AMD1: variants seen among roughly 807,000 people sequenced by gnomAD.
AMD1 encodes S-adenosylmethionine decarboxylase proenzyme.
A neutral mutation model predicts 40.2 loss-of-function variants in AMD1; 11 were observed. That is an observed-to-expected ratio of 0.27 (90% CI 0.17 to 0.45). AMD1 has a LOEUF of 0.45. Ranked by LOEUF, AMD1 falls within the 20% of genes least tolerant of loss-of-function variation. AMD1 has a pLI of 1.00. For synonymous variants in AMD1, 121 were observed against 130.8 expected, an observed-to-expected ratio of 0.93 and a Z score of 0.51; for missense variants, 257 against 410.2, an observed-to-expected ratio of 0.63 and a Z score of 3.23.
At chr6:110,880,752 A>G (rs1583213459) in intron 1 of AMD1, among the ~76,000 whole-genome samples, 1 of 152,222 alleles carries the variant, frequency 6.6e-6, no homozygotes, top group East Asian at 1.9e-4. Flanking sequence ...GGTGCACTGT[A>G]GCCTCCGCCT....
At chr6:110,851,794 C>CA in the AMD1 span, among the ~76,000 whole-genome samples, 1 of 152,074 alleles carries the variant, frequency 6.6e-6, no homozygotes, top group African/African-American at 2.4e-5. Flanking sequence ...TAGTGTTTAA[C>CA]ATCACCCCAG....
chr6:110,852,652 G>T, the AMD1 span, among the ~76,000 whole-genome samples: 1 of 152,098 alleles, frequency 6.6e-6, no homozygotes, highest in African/African-American at 2.4e-5. Context: ...CCTTGTCTTA[G>T]AAATAAAATA....
chr6:110,864,982 T>A, the AMD1 span, among the ~76,000 whole-genome samples: 1 of 152,230 alleles, frequency 6.6e-6, no homozygotes, highest in Non-Finnish European at 1.5e-5. Context: ...TTGCTCTATG[T>A]CTACAAAACA....
chr6:110,844,265 CT>C, the AMD1 span, among the ~76,000 whole-genome samples: 361 of 143,430 alleles, frequency 2.5e-3, no homozygotes, highest in Middle Eastern at 3.7e-3. Context: ...GAATTATAAT[CT>C]TTTTTTTTTT....
the AMD1 span, among the ~76,000 whole-genome samples, chr6:110,850,530 C>T: frequency 6.6e-6 from 1 of 152,288 alleles, no homozygotes; most frequent in South Asian, 2.1e-4. Context: ...TAAACCAGTT[C>T]ACTCCCAGAG....
chr6:110,873,820 A>G (rs1784964944), upstream of AMD1, among the ~76,000 whole-genome samples: 1 of 152,246 alleles, frequency 6.6e-6, no homozygotes, highest in Non-Finnish European at 1.5e-5. Context: ...ATTTCCAGGT[A>G]AATCCTTCTT....
At chr6:110,892,108 C>T (rs1786055172) in intron 4 of AMD1, 53 bp from the exon 5 acceptor site, 1 of 1,583,460 alleles carries the variant, frequency 6.3e-7, no homozygotes, top group Non-Finnish European at 8.7e-7. Context: ...AGTAACAAAC[C>T]ATCCTATTAA....
chr6:110,848,970 T>G, the AMD1 span, among the ~76,000 whole-genome samples: 2 of 152,210 alleles, frequency 1.3e-5, no homozygotes, highest in Non-Finnish European at 2.9e-5. Context: ...GGCACCACTG[T>G]ACTCCAGCCT....
At chr6:110,867,155 C>CTT in the AMD1 span, among the ~76,000 whole-genome samples, 1,623 of 143,888 alleles carry the variant, frequency 0.011, 31 homozygotes, top group African/African-American at 0.04. Flanking sequence ...TTCTTTTTTT[C>CTT]TTTTTTTTTT....
chr6:110,893,966 A>C lies in AMD1; in HGVS notation c.*350A>C. 4.6e-6 allele frequency: 1 copy of C among 215,216 alleles called. No individual in the cohort carries two copies. The highest frequency in any genetic ancestry group is 7.6e-5 in the South Asian group (1 of 13,132). The allele number at this position is 215,216 out of a possible 1,614,324, so 13.3% of individuals were successfully genotyped here. A position where few individuals can be genotyped will look rare whatever the true frequency, so the allele number is the denominator to read the frequency against. ...GTAATATTTCTCCAAGTATCATCCA[A>C]AATTCCCCACAGACAAGGCTTTCGT... On this transcript the variant is annotated 3_prime_UTR_variant, in exon 9 of 9. Transcript: ENST00000368885.
At chr6:110,846,122 C>T in the AMD1 span, among the ~76,000 whole-genome samples, 1 of 151,944 alleles carries the variant, frequency 6.6e-6, no homozygotes, top group African/African-American at 2.4e-5. Context: ...GCATGTAATC[C>T]CAGCTACTTG....
At chr6:110,883,789 G>A (rs1053952533) in intron 1 of AMD1, among the ~76,000 whole-genome samples, 3 of 151,964 alleles carry the variant, frequency 2.0e-5, no homozygotes, top group African/African-American at 7.3e-5. Context: ...AGTAGAGACG[G>A]GGTTTCACCT....
At chr6:110,830,894 C>G in the AMD1 span, among the ~76,000 whole-genome samples, 1 of 152,164 alleles carries the variant, frequency 6.6e-6, no homozygotes, top group Admixed American at 6.6e-5. Context: ...GGAGTACAGG[C>G]ACATACCACC....
At position 110,887,272 on chromosome 6, in the gene AMD1, TTAAG is replaced by T. The variant is rs144705867; in HGVS notation, c.111-229_111-226del. On this transcript the variant is annotated intron_variant, in intron 1 of 8. Coordinates refer to ENST00000368885, the MANE Select transcript of AMD1 (RefSeq NM_001634.6). ...TGAACATTTTTTTGCCTATTTTTCT[TTAAG>T]TAATTTGTAAATACATAGTATAATG... Among the ~76,000 whole-genome samples, 937 of 152,324 alleles carry T rather than the reference TTAAG, an allele frequency of 6.2e-3. 5 individuals are homozygous for T. The highest frequency in any genetic ancestry group is 9.8e-3 in the Non-Finnish European group (667 of 68,024).
intron 1 of AMD1, among the ~76,000 whole-genome samples, chr6:110,884,435 G>T (rs1456543763): frequency 6.6e-6 from 1 of 152,170 alleles, no homozygotes; most frequent in Non-Finnish European, 1.5e-5. Flanking sequence ...AAGTTGTAAG[G>T]GTGAATACTT....
chr6:110,882,212 A>G (rs972694149), intron 1 of AMD1, among the ~76,000 whole-genome samples: 16 of 152,212 alleles, frequency 1.1e-4, no homozygotes, highest in African/African-American at 2.9e-4. Context: ...GCTCACTGCA[A>G]CCTAATTTTA....
chr6:110,893,245 A>G (rs1786131001), intron 8 of AMD1, among the ~76,000 whole-genome samples, 180 bp downstream of exon 8: 1 of 152,202 alleles, frequency 6.6e-6, no homozygotes, highest in Admixed American at 6.5e-5. Context: ...GACCTGTGTC[A>G]GTCCTTGTTT....
the AMD1 span, chr6:110,859,048 G>A: frequency 8.0e-7 from 1 of 1,242,436 alleles, no homozygotes; most frequent in Non-Finnish European, 1.2e-6. Flanking sequence ...CCCAAGTTCT[G>A]CCCAGAAGGC....
the AMD1 span, among the ~76,000 whole-genome samples, chr6:110,826,876 G>A: frequency 3.3e-5 from 5 of 151,776 alleles, no homozygotes; most frequent in African/African-American, 1.2e-4. Context: ...ATTCTTAGTA[G>A]CGACAGGGTT....
Sources: gnomAD v4.1 joint callset for allele counts (sites outside exome capture counted in the v4.1 genomes callset) on GRCh38, gnomAD v4.1.1 for gene constraint, MANE v1.5 for transcripts, NCBI Gene and HGNC (gene_info 2026-07-23, HGNC 2026-07-21) for gene names.